LRFN5: variants seen among roughly 807,000 people sequenced by gnomAD.
The protein encoded by LRFN5 is leucine-rich repeat and fibronectin type-III domain-containing protein 5.
LRFN5 carries 24 observed loss-of-function variants against 45.6 expected under a neutral mutation model. The observed-to-expected ratio is 0.53, with a 90% CI of 0.38 to 0.74. The LOEUF is 0.74. Among genes scored for constraint, LRFN5 ranks in the 30% least tolerant of loss-of-function variants. The pLI, the probability that LRFN5 is intolerant of heterozygous loss-of-function variation, is 0.00. For missense variants in LRFN5, 776 were observed against 861.5 expected (o/e 0.90, Z 1.24); for synonymous variants, 340 against 313.8 (o/e 1.08, Z -0.88).
rs200253065 is a variant in LRFN5 at position 41,704,448 on chromosome 14, C to CTCTGTGTGTGTGTGTGTGTG, written c.-196-62405_-196-62404insCTGTGTGTGTGTGTGTGTGT. ...TCTCTCTCTCTCTCTCTCTCTCTCTCTGTGTGTGTGTGTCTGTGAGATTTG... is the reference window on the plus strand; with the variant it reads ...TCTCTCTCTCTCTCTCTCTCTCTCTCTCTGTGTGTGTGTGTGTGTGTGTGTGTGTGTGTCTGTGAGATTTG... On this transcript the variant is annotated intron_variant, in intron 1 of 5. Transcript: ENST00000298119. Among the ~76,000 whole-genome samples the CTCTGTGTGTGTGTGTGTGTG allele has an allele frequency of 9.8e-4, 122 of 124,276 alleles. 1 individual carries two copies. Among genetic ancestry groups the CTCTGTGTGTGTGTGTGTGTG allele is most frequent in the African/African-American group, 3.5e-3 (92 of 25,958 alleles). The allele number at this position is 124,276 out of a possible 152,430, so 81.5% of individuals were successfully genotyped here.
At chr14:41,822,853 G>GTT (rs3032270) in intron 2 of LRFN5, among the ~76,000 whole-genome samples, 6,053 of 136,118 alleles carry the variant, frequency 0.044, 173 homozygotes, top group African/African-American at 0.066. Context: ...ATTTAGGGTT[G>GTT]TTTTTTTTTT....
At chr14:41,895,658 A>C (rs1259786394) in intron 4 of LRFN5, among the ~76,000 whole-genome samples, 1 of 151,960 alleles carries the variant, frequency 6.6e-6, no homozygotes, top group Non-Finnish European at 1.5e-5. Flanking sequence ...ATAAATGAAT[A>C]AATAAATTAG....
intron 1 of LRFN5, among the ~76,000 whole-genome samples, chr14:41,689,038 C>T (rs775120556): frequency 3.1e-4 from 47 of 151,730 alleles, no homozygotes; most frequent in Non-Finnish European, 5.4e-4. Flanking sequence ...GAGGCTACAG[C>T]GAGCTGAGAT....
intron 2 of LRFN5, among the ~76,000 whole-genome samples, chr14:41,847,060 T>C (rs558985947): frequency 3.2e-4 from 49 of 152,302 alleles, no homozygotes; most frequent in Non-Finnish European, 5.4e-4. Flanking sequence ...CCTACCATGA[T>C]ATTAACCTTC....
intron 2 of LRFN5, among the ~76,000 whole-genome samples, chr14:41,782,639 T>C (rs1044892343): frequency 6.6e-6 from 1 of 152,146 alleles, no homozygotes; most frequent in Admixed American, 6.5e-5. Context: ...TTGAAGTAAA[T>C]AGGCCTTTAC....
At chr14:41,778,877 CACTT>C (rs1436734677) in intron 2 of LRFN5, among the ~76,000 whole-genome samples, 5 of 151,742 alleles carry the variant, frequency 3.3e-5, no homozygotes, top group Non-Finnish European at 5.9e-5. Context: ...AGTTTGTACT[CACTT>C]ACTAATGGCA....
intron 1 of LRFN5, among the ~76,000 whole-genome samples, chr14:41,713,161 G>A (rs17781325): frequency 0.2 from 30,377 of 152,018 alleles, 3,102 homozygotes; most frequent in Non-Finnish European, 0.24. Flanking sequence ...GCTACTGAAT[G>A]TGCATGTGAA....
In LRFN5 at chr14:41,855,811, AC is replaced by A. The variant is rs1240081127; in HGVS notation, c.-20-30793del. Among the ~76,000 whole-genome samples, 13 of 152,288 alleles carry A rather than the reference AC, an allele frequency of 8.5e-5. 1 individual carries two copies. Among genetic ancestry groups the A allele is most frequent in the Admixed American group, 5.9e-4 (9 of 15,298 alleles). On this transcript the variant is annotated intron_variant, in intron 2 of 5. Transcript: ENST00000298119. ...GATGTTTTCACTGCAAAACTGTTTT[AC>A]CTCTTAGGATCTAACCAAATAAAAT...
intron 1 of LRFN5, among the ~76,000 whole-genome samples, chr14:41,642,304 G>T (rs746719655): frequency 1.3e-5 from 2 of 152,082 alleles, no homozygotes; most frequent in Non-Finnish European, 2.9e-5. Context: ...AGAGTAAAAG[G>T]TTGTTTGTGT....
chr14:41,891,937 G>A lies in LRFN5; in HGVS notation c.2073G>A (p.Thr691=), dbSNP rs779151881. Residue 691 remains threonine (T), a synonymous_variant, in exon 4 of 6, where the codon ACG becomes ACA. Coordinates refer to ENST00000298119, the MANE Select transcript of LRFN5 (RefSeq NM_152447.5). ...CCGATTCTGTCACAGAGGGGCCCAC[G>A]TCTAAAAGAGCACATATAAAGCCAA... ...RPPDSVTEGP[T]SKRAHIKPNA... The A allele has an allele frequency of 6.2e-7, 1 of 1,613,608 alleles. No individual in the cohort carries two copies. Among genetic ancestry groups the A allele is most frequent in the Admixed American group, 1.7e-5 (1 of 59,898 alleles).
At chr14:41,672,523 G>A (rs931252099) in intron 1 of LRFN5, among the ~76,000 whole-genome samples, 10 of 152,116 alleles carry the variant, frequency 6.6e-5, no homozygotes, top group African/African-American at 2.4e-4. Context: ...TTCATCTAAT[G>A]TCTGGGTGCT....
At chr14:41,848,916 C>G (rs1015702850) in intron 2 of LRFN5, among the ~76,000 whole-genome samples, 6 of 151,812 alleles carry the variant, frequency 4.0e-5, no homozygotes, top group African/African-American at 1.5e-4. Context: ...TTCTAGGCTT[C>G]AAGTTTTTGA....
intron 2 of LRFN5, among the ~76,000 whole-genome samples, chr14:41,831,158 C>A (rs1888464127): frequency 6.6e-6 from 1 of 152,136 alleles, no homozygotes; most frequent in Non-Finnish European, 1.5e-5. Context: ...TGAAAACATG[C>A]TAACCTTCTC....
intron 1 of LRFN5, among the ~76,000 whole-genome samples, chr14:41,756,214 C>T (rs1351629677): frequency 6.6e-6 from 1 of 152,114 alleles, no homozygotes; most frequent in African/African-American, 2.4e-5. Context: ...TCCTTCATTT[C>T]AACTTTAGTG....
chr14:41,850,141 G>A (rs1889214248), intron 2 of LRFN5, among the ~76,000 whole-genome samples: 3 of 151,848 alleles, frequency 2.0e-5, no homozygotes, highest in African/African-American at 7.3e-5. Context: ...TATAGTGCAT[G>A]TATTATGTAC....
chr14:41,873,895 A>T (rs1362104861), intron 2 of LRFN5, among the ~76,000 whole-genome samples: 1 of 152,206 alleles, frequency 6.6e-6, no homozygotes, highest in Non-Finnish European at 1.5e-5. Context: ...TAAATACCCT[A>T]GGGAAACTGA....
At chr14:41,863,818 T>C in intron 2 of LRFN5, among the ~76,000 whole-genome samples, 1 of 152,180 alleles carries the variant, frequency 6.6e-6, no homozygotes, top group East Asian at 1.9e-4. Context: ...TTTCTCCTAA[T>C]GCCATCCCTC....
intron 2 of LRFN5, among the ~76,000 whole-genome samples, chr14:41,885,400 T>C (rs997489134): frequency 1.3e-5 from 2 of 151,850 alleles, no homozygotes; most frequent in African/African-American, 2.4e-5. Context: ...AAATATATGC[T>C]ATTATTTTTA....
intron 2 of LRFN5, among the ~76,000 whole-genome samples, chr14:41,856,675 A>ATTATTATTATTATT: frequency 1.5e-3 from 28 of 18,336 alleles, no homozygotes; most frequent in African/African-American, 3.6e-3. Flanking sequence ...TATTATTATT[A>ATTATTATTATTATT]TTTTTTTTTT....
Sources: allele counts gnomAD v4.1 joint callset (sites outside exome capture counted in the v4.1 genomes callset), GRCh38; gene constraint gnomAD v4.1.1; transcripts MANE v1.5; gene names NCBI Gene and HGNC (gene_info 2026-07-23, HGNC 2026-07-21).